PDAP1: variants seen among roughly 807,000 people sequenced by gnomAD.
PDAP1 encodes 28 kDa heat- and acid-stable phosphoprotein.
Under a neutral mutation model 28.0 loss-of-function variants are expected in PDAP1, and 13 were observed. That is an observed-to-expected ratio of 0.46 (90% CI 0.30 to 0.74). PDAP1 has a LOEUF of 0.74. PDAP1 is among the 30% of genes least tolerant of loss of function. The probability of loss-of-function intolerance (pLI) is 0.07; values close to 1 mark genes in which losing one functional copy is unlikely to be tolerated. For synonymous variants in PDAP1, 77 were observed against 85.1 expected (o/e 0.91, Z 0.52); for missense variants, 150 against 230.0 (o/e 0.65, Z 2.25).
In PDAP1 at chr7:99,396,757, G is replaced by C. The variant is rs1423794847; in HGVS notation, c.488-17C>G. 6.2e-7 allele frequency: 1 copy of C among 1,609,406 alleles called. No homozygotes were observed. Among genetic ancestry groups the C allele is most frequent in the African/African-American group, 1.3e-5 (1 of 74,812 alleles). ...CGTCTTTTGCTGAGGGGTGGGAGAA[G>C]GGCAGGGGTTAAAACAAAGCAACCC... is the stretch of plus-strand genomic sequence containing the variant. On this transcript the variant is annotated splice_polypyrimidine_tract_variant and intron_variant, in intron 5 of 5. Transcript: ENST00000350498.
chr7:99,404,429 G>A (rs1373791245), intron 2 of PDAP1, among the ~76,000 whole-genome samples: 3 of 152,164 alleles, frequency 2.0e-5, no homozygotes, highest in African/African-American at 4.8e-5. Context: ...GCTAAACAAC[G>A]TCTCCAGGGA....
At chr7:99,400,558 C>G (rs1794845141) in intron 3 of PDAP1, 134 bp from the exon 4 acceptor site, 1 of 957,448 alleles carries the variant, frequency 1.0e-6, no homozygotes, top group Non-Finnish European at 1.6e-6. Flanking sequence ...TAGTGCTCAG[C>G]CCAAGTCTCA....
In PDAP1 at chr7:99,406,620, A is replaced by C. The variant is rs1794976380; in HGVS notation, c.14-1667T>G. 4 of 985,284 alleles carry C rather than the reference A, an allele frequency of 4.1e-6. No homozygotes were observed. The South Asian group carries it at 1.9e-4, about 46-fold the overall frequency. 61.0% of individuals were successfully genotyped at this position (985,284 alleles called of 1,614,324 possible). A position where few individuals can be genotyped will look rare whatever the true frequency, so the allele number is the denominator to read the frequency against. ...CTTGCTTAAGCCATCAGCCAGTTTT[A>C]AAGCAAGGTGGCATCCCCCTCTGCT... On this transcript the variant is annotated intron_variant, in intron 1 of 5. Transcript: ENST00000350498.
chr7:99,399,534 A>C (rs536480472), intron 4 of PDAP1, among the ~76,000 whole-genome samples: 1 of 152,304 alleles, frequency 6.6e-6, no homozygotes, highest in South Asian at 2.1e-4. Context: ...CAGAACACCC[A>C]GGTTGCTGGG....
rs145600599 is a variant in PDAP1 at position 99,405,527 on chromosome 7, T to C, written c.14-574A>G. On this transcript the variant is annotated intron_variant, in intron 1 of 5. Coordinates refer to ENST00000350498, the MANE Select transcript of PDAP1 (RefSeq NM_014891.7). ...GGCGTGCACCACTATGCCCAGCTTA[T>C]TTATTTATTTTTAGTAGAGATGGGG... Among the ~76,000 whole-genome samples the C allele has an allele frequency of 5.5e-3, 841 of 152,128 alleles. 6 individuals carry two copies. The highest frequency in any genetic ancestry group is 0.02 in the African/African-American group (814 of 41,498).
chr7:99,404,282 T>A (rs897068095), intron 2 of PDAP1, among the ~76,000 whole-genome samples: 1 of 152,108 alleles, frequency 6.6e-6, no homozygotes, highest in Non-Finnish European at 1.5e-5. Flanking sequence ...AATGATATGG[T>A]AAGATGCAGA....
In PDAP1 at chr7:99,394,781, A is replaced by T; in HGVS notation, c.*1901T>A. The T allele has an allele frequency of 1.1e-5, 5 of 437,556 alleles. No homozygotes were observed. The highest frequency in any genetic ancestry group is 8.6e-5 in the South Asian group (1 of 11,664). The allele number at this position is 437,556 out of a possible 1,614,324, so 27.1% of individuals were successfully genotyped here. A position where few individuals can be genotyped will look rare whatever the true frequency, so the allele number is the denominator to read the frequency against. On this transcript the variant is annotated 3_prime_UTR_variant, in exon 6 of 6. Coordinates refer to ENST00000350498, the MANE Select transcript of PDAP1 (RefSeq NM_014891.7). The stretch of plus-strand genomic sequence containing the variant: ...GGAGGTAATAAAATGCAACTGTGTA[A>T]AAAAAAAAAAAAAAAAAAAAGTAAT...
intron 2 of PDAP1, 65 bp from the exon 3 acceptor site, chr7:99,403,570 T>C: frequency 1.0e-6 from 1 of 1,002,946 alleles, no homozygotes. Flanking sequence ...ACTGTGACCC[T>C]ATCACCCCCC....
At chr7:99,406,615 G>C in intron 1 of PDAP1, 1 of 985,374 alleles carries the variant, frequency 1.0e-6, no homozygotes, top group Non-Finnish European at 1.2e-6. Flanking sequence ...CCATCAGCCA[G>C]TTTTAAAGCA....
chr7:99,408,438 T>C lies in PDAP1; in HGVS notation c.13+98A>G, dbSNP rs1219354648. 6 of 1,143,772 alleles carry C rather than the reference T, an allele frequency of 5.2e-6. No individual in the cohort carries two copies. In the African/African-American group the frequency reaches 8.0e-5, roughly 15 times the overall value. The allele number at this position is 1,143,772 out of a possible 1,614,324, so 70.9% of individuals were successfully genotyped here. ...TCAGCCGGTGCGGACAGCCTCCCTC[T>C]GCGCTGCTCTCAGAGACGCGCACGG... On this transcript the variant is annotated intron_variant, in intron 1 of 5. Transcript: ENST00000350498.
chr7:99,402,739 C>T (rs919608293), intron 3 of PDAP1, among the ~76,000 whole-genome samples: 5 of 151,260 alleles, frequency 3.3e-5, no homozygotes, highest in East Asian at 1.9e-4. Context: ...AAAATTAGCC[C>T]GGCGTGGTGG....
chr7:99,396,803 G>A (rs1794776331), intron 5 of PDAP1, 63 bp from the exon 6 acceptor site: 12 of 1,287,298 alleles, frequency 9.3e-6, no homozygotes, highest in South Asian at 2.5e-5. Flanking sequence ...CCCAACACAC[G>A]TGCCAGAACC....
chr7:99,398,073 C>A (rs116720310), intron 4 of PDAP1, 60 bp from the exon 5 acceptor site: 20 of 1,592,228 alleles, frequency 1.3e-5, no homozygotes, highest in East Asian at 9.0e-5. Context: ...CCAAACTGGA[C>A]GGGAGTCAGA....
At chr7:99,398,726 G>A (rs1478642718) in intron 4 of PDAP1, among the ~76,000 whole-genome samples, 1 of 152,056 alleles carries the variant, frequency 6.6e-6, no homozygotes, top group Non-Finnish European at 1.5e-5. Context: ...ACAAAAAAAG[G>A]AATGAAGAAG....
chr7:99,405,011 C>T (rs1451782548), intron 1 of PDAP1, 58 bp from the exon 2 acceptor site: 69 of 1,314,588 alleles, frequency 5.2e-5, no homozygotes, highest in Non-Finnish European at 7.0e-5. Flanking sequence ...CTCTGACCCC[C>T]AGAGGGCTGT....
chr7:99,400,402 C>G lies in PDAP1; in HGVS notation c.236G>C (p.Gly79Ala). 1 of 1,614,164 alleles carries G rather than the reference C, an allele frequency of 6.2e-7. No individual in the cohort carries two copies. The highest frequency in any genetic ancestry group is 8.5e-7 in the Non-Finnish European group (1 of 1,180,016). Residue 79 changes from glycine to alanine, a missense_variant, in exon 4 of 6, where the codon GGG becomes GCG. Coordinates refer to ENST00000350498, the MANE Select transcript of PDAP1 (RefSeq NM_014891.7). ...GTTGGGGTTCTCGATGTCGATGAGC[C>G]CTTCAACGCCTTTGCGCTTTTGCTA... Reference protein sequence around the residue: ...DYQQKRKGVEGLIDIENPNRV... With the variant: ...DYQQKRKGVEALIDIENPNRV...
At chr7:99,402,248 A>G (rs1473806976) in intron 3 of PDAP1, among the ~76,000 whole-genome samples, 7 of 148,808 alleles carry the variant, frequency 4.7e-5, no homozygotes, top group Admixed American at 1.3e-4. Context: ...AAAAAAAAAA[A>G]GCATATCTGG....
At chr7:99,398,100 C>A in intron 4 of PDAP1, 87 bp from the exon 5 acceptor site, 1 of 1,494,644 alleles carries the variant, frequency 6.7e-7, no homozygotes. Context: ...GCCAAGGATT[C>A]GGCCTAGGGC....
intron 2 of PDAP1, among the ~76,000 whole-genome samples, chr7:99,404,584 C>T (rs1794935622): frequency 6.6e-6 from 1 of 152,192 alleles, no homozygotes; most frequent in Admixed American, 6.5e-5. Flanking sequence ...GGAGGGAGAT[C>T]CTCCTGAAAG....
Sources: allele counts gnomAD v4.1 joint callset (sites outside exome capture counted in the v4.1 genomes callset), GRCh38; gene constraint gnomAD v4.1.1; transcripts MANE v1.5; gene names NCBI Gene and HGNC (gene_info 2026-07-23, HGNC 2026-07-21).